The following GIGYF2 variants were observed in gnomAD, a reference collection of about 807,000 sequenced individuals.
The protein encoded by GIGYF2 is GRB10-interacting GYF protein 2.
In GIGYF2, 25 loss-of-function variants were observed where a neutral mutation model predicts 208.1. That is an observed-to-expected ratio of 0.12 (90% CI 0.09 to 0.17). GIGYF2 has a LOEUF of 0.17. GIGYF2 is among the 10% of genes least tolerant of loss of function. The pLI, the probability that GIGYF2 is intolerant of heterozygous loss-of-function variation, is 1.00. For synonymous variants in GIGYF2, 534 were observed against 543.8 expected (o/e 0.98, Z 0.25); for missense variants, 1,302 against 1,579.4 (o/e 0.82, Z 2.98).
intron 8 of GIGYF2, among the ~76,000 whole-genome samples, chr2:232,774,085 C>T (rs936401920): frequency 6.7e-6 from 1 of 150,064 alleles, no homozygotes; most frequent in East Asian, 1.9e-4. Context: ...AATTCAAGAC[C>T]GATCTGGCCA....
chr2:232,804,299 T>G (rs527465342), intron 14 of GIGYF2, among the ~76,000 whole-genome samples: 116 of 152,220 alleles, frequency 7.6e-4, no homozygotes, highest in African/African-American at 1.1e-3. Flanking sequence ...ATCTGTGTTG[T>G]TAGATCTTTG....
intron 5 of GIGYF2, among the ~76,000 whole-genome samples, chr2:232,750,394 C>T (rs550657394): frequency 6.6e-6 from 1 of 152,286 alleles, no homozygotes; most frequent in East Asian, 1.9e-4. Context: ...TTAATCCTTT[C>T]CATGCCAGCT....
At chr2:232,776,609 T>G in intron 8 of GIGYF2, 2 of 663,934 alleles carry the variant, frequency 3.0e-6, no homozygotes. Flanking sequence ...TTGTGGGGGC[T>G]GGTTTCAGCT....
Position 232,803,942 on chromosome 2 carries a change from C to T in GIGYF2, c.1640-2549C>T, listed in dbSNP as rs537223391. On this transcript the variant is annotated intron_variant, in intron 14 of 28. Coordinates refer to ENST00000373563, the MANE Select transcript of GIGYF2 (RefSeq NM_001103146.3). ...GACCTCATGATCCACCCGCCTCCGC[C>T]TCCCAAAGTGCTGGGATTACAGGCC... is the stretch of plus-strand genomic sequence containing the variant. Among the ~76,000 whole-genome samples the T allele has an allele frequency of 2.6e-4, 4 of 15,140 alleles. 2 individuals are homozygous for T. In the East Asian group the frequency reaches 0.045, roughly 172 times the overall value. 9.9% of individuals were successfully genotyped at this position (15,140 alleles called of 152,430 possible). A position where few individuals can be genotyped will look rare whatever the true frequency, so the allele number is the denominator to read the frequency against.
At chr2:232,755,982 A>C (rs1419078972) in intron 5 of GIGYF2, among the ~76,000 whole-genome samples, 1 of 152,210 alleles carries the variant, frequency 6.6e-6, no homozygotes, top group Non-Finnish European at 1.5e-5. Context: ...AGCATAGTGT[A>C]AGACATTGGT....
intron 12 of GIGYF2, among the ~76,000 whole-genome samples, chr2:232,793,512 A>G (rs546781683): frequency 2.2e-4 from 33 of 152,320 alleles, no homozygotes; most frequent in Middle Eastern, 3.4e-3. Context: ...CATTCACCAT[A>G]GAGGAGCACA....
At chr2:232,826,404 C>T (rs531218612) in intron 21 of GIGYF2, among the ~76,000 whole-genome samples, 15 of 152,272 alleles carry the variant, frequency 9.9e-5, no homozygotes, top group African/African-American at 3.4e-4. Context: ...TTCTAATTGG[C>T]GTGAGATGGT....
At chr2:232,729,806 T>A (rs2106286884) in intron 2 of GIGYF2, 2 of 747,944 alleles carry the variant, frequency 2.7e-6, no homozygotes, top group Non-Finnish European at 5.0e-6. Context: ...GCAGGTTTTT[T>A]GGCTTTCTTC....
rs149725357 is a variant in GIGYF2 at position 232,770,925 on chromosome 2, G to A, written c.532+9489G>A. ...TACCTGTGATAAAAGCCTCTAGCAT[G>A]AGGCCTAGGAGCATTTGTATGGCAA... On this transcript the variant is annotated intron_variant, in intron 8 of 28. Coordinates refer to ENST00000373563, the MANE Select transcript of GIGYF2 (RefSeq NM_001103146.3). 21 of 1,613,172 alleles carry A rather than the reference G, an allele frequency of 1.3e-5. No homozygotes were observed. In the African/African-American group the frequency reaches 1.6e-4, roughly 12 times the overall value.
intron 16 of GIGYF2, chr2:232,810,595 T>C (rs570138427): frequency 6.5e-6 from 1 of 153,900 alleles, no homozygotes; most frequent in Non-Finnish European, 1.4e-5. Context: ...GCTCTCTATT[T>C]TTATATTTAT....
In GIGYF2 at chr2:232,772,144, T is replaced by A. The variant is rs368863809; in HGVS notation, c.532+10708T>A. On this transcript the variant is annotated intron_variant, in intron 8 of 28. Transcript: ENST00000373563. ...GCCTAGGCTGGTCTCAGACTCCTGT[T>A]CTCAAGCCATCTTCCCACTTCAGCC... is the stretch of plus-strand genomic sequence containing the variant. Among the ~76,000 whole-genome samples, 20 of 152,300 alleles carry A rather than the reference T, an allele frequency of 1.3e-4. No individual in the cohort carries two copies. The East Asian group carries it at 3.3e-3, about 25-fold the overall frequency.
intron 6 of GIGYF2, among the ~76,000 whole-genome samples, chr2:232,759,381 C>T (rs199541396): frequency 1.3e-5 from 2 of 149,546 alleles, no homozygotes; most frequent in South Asian, 2.1e-4. Context: ...CTCTCATTTT[C>T]TCACCTGTGT....
chr2:232,749,209 T>A (rs1698254887), intron 5 of GIGYF2, 127 bp downstream of exon 5: 2 of 740,292 alleles, frequency 2.7e-6, no homozygotes, highest in Middle Eastern at 2.4e-4. Flanking sequence ...CTTCTATTTC[T>A]TGGTATGTTG....
intron 24 of GIGYF2, 41 bp downstream of exon 24, chr2:232,844,296 T>C: frequency 3.1e-6 from 5 of 1,612,228 alleles, no homozygotes; most frequent in Non-Finnish European, 4.2e-6. Context: ...TGGACTAGTA[T>C]TATCTTTTCT....
At chr2:232,803,587 A>C (rs1220647535) in intron 14 of GIGYF2, among the ~76,000 whole-genome samples, 4 of 151,858 alleles carry the variant, frequency 2.6e-5, no homozygotes, top group African/African-American at 4.8e-5. Context: ...TTTCTCTCTT[A>C]AATTGTTTTC....
rs546081247 is a variant in GIGYF2 at position 232,808,807 on chromosome 2, G to T, written c.1807-913G>T. 2.0e-5 allele frequency among the ~76,000 whole-genome samples: 3 copies of T among 151,850 alleles called. No homozygotes were observed. In the South Asian group the frequency reaches 6.2e-4, roughly 32 times the overall value. ...TCCAGTCATATTATTTCACATATAAGCTAAAAAATTGGTTTTATTTTACTA... is the reference window on the plus strand; with the variant it reads ...TCCAGTCATATTATTTCACATATAATCTAAAAAATTGGTTTTATTTTACTA... On this transcript the variant is annotated intron_variant, in intron 15 of 28. Transcript: ENST00000373563.
At chr2:232,768,343 A>G in intron 8 of GIGYF2, 1 of 1,614,182 alleles carries the variant, frequency 6.2e-7, no homozygotes, top group Non-Finnish European at 8.5e-7. Flanking sequence ...TTGATTTGAT[A>G]TTCACCTTTG....
intron 27 of GIGYF2, among the ~76,000 whole-genome samples, chr2:232,848,328 C>T (rs1335023235): frequency 6.6e-6 from 1 of 152,178 alleles, no homozygotes; most frequent in Admixed American, 6.5e-5. Context: ...AGTTCTTCAG[C>T]ACTATAGTTG....
chr2:232,716,542 G>C (rs1341269474), intron 2 of GIGYF2, among the ~76,000 whole-genome samples: 3 of 151,730 alleles, frequency 2.0e-5, no homozygotes, highest in African/African-American at 7.3e-5. Flanking sequence ...ACCACACCTG[G>C]CTAATTTCTT....
Sources: gnomAD v4.1 joint callset for allele counts (sites outside exome capture counted in the v4.1 genomes callset) on GRCh38, gnomAD v4.1.1 for gene constraint, MANE v1.5 for transcripts, NCBI Gene and HGNC (gene_info 2026-07-23, HGNC 2026-07-21) for gene names.